PDE7B: variants seen among roughly 807,000 people sequenced by gnomAD.
The protein encoded by PDE7B is phosphodiesterase 7B.
In PDE7B, 29 loss-of-function variants were observed where a neutral mutation model predicts 56.2. The observed-to-expected ratio is 0.52, with a 90% confidence interval of 0.38 to 0.70. The LOEUF (loss-of-function observed/expected upper bound fraction) is 0.70, where lower values mean the gene tolerates loss of function less well. PDE7B is among the 30% of genes least tolerant of loss of function. The pLI, the probability that PDE7B is intolerant of heterozygous loss-of-function variation, is 0.00. For synonymous variants in PDE7B, 197 were observed against 196.9 expected (o/e 1.00, Z 0.00); for missense variants, 490 against 565.0 (o/e 0.87, Z 1.35).
chr6:136,083,503 A>G (rs150220574), intron 2 of PDE7B, among the ~76,000 whole-genome samples: 2 of 152,316 alleles, frequency 1.3e-5, no homozygotes, highest in African/African-American at 2.4e-5. Context: ...CTGAAATGGC[A>G]TGCTAACTAC....
intron 2 of PDE7B, among the ~76,000 whole-genome samples, chr6:136,000,610 T>C (rs887534437): frequency 6.6e-6 from 1 of 152,148 alleles, no homozygotes; most frequent in Non-Finnish European, 1.5e-5. Flanking sequence ...TATCTATGTA[T>C]CTGTTTTTTT....
At chr6:135,976,129 A>G (rs984991161) in intron 2 of PDE7B, among the ~76,000 whole-genome samples, 2 of 152,154 alleles carry the variant, frequency 1.3e-5, no homozygotes, top group African/African-American at 4.8e-5. Context: ...CCAGATAATC[A>G]AACTAGTTAC....
chr6:135,936,971 T>G (rs1290417669), intron 1 of PDE7B, among the ~76,000 whole-genome samples: 2 of 152,244 alleles, frequency 1.3e-5, no homozygotes, highest in African/African-American at 2.4e-5. Flanking sequence ...GTGAACACAC[T>G]GTGTGAGACA....
chr6:135,893,570 G>A (rs1775847537), intron 1 of PDE7B, among the ~76,000 whole-genome samples: 1 of 152,144 alleles, frequency 6.6e-6, no homozygotes, highest in South Asian at 2.1e-4. Context: ...TGGTGGGACT[G>A]TAAACTAGTT....
At chr6:135,891,675 T>C (rs993008744) in intron 1 of PDE7B, among the ~76,000 whole-genome samples, 1 of 152,216 alleles carries the variant, frequency 6.6e-6, no homozygotes, top group African/African-American at 2.4e-5. Flanking sequence ...GGGTGTGGAA[T>C]GAAACCTAGG....
chr6:136,049,604 T>A (rs1420175156), intron 2 of PDE7B, among the ~76,000 whole-genome samples: 3 of 152,248 alleles, frequency 2.0e-5, no homozygotes, highest in Non-Finnish European at 4.4e-5. Flanking sequence ...AGGAAGGTTC[T>A]GTGATGGACT....
At chr6:135,916,392 C>CCTTT (rs1773943082) in intron 1 of PDE7B, among the ~76,000 whole-genome samples, 1 of 96,346 alleles carries the variant, frequency 1.0e-5, no homozygotes, top group Non-Finnish European at 1.9e-5. Flanking sequence ...TCTTTTCTTT[C>CCTTT]TTTTTTTTTT....
intron 2 of PDE7B, among the ~76,000 whole-genome samples, chr6:135,994,280 A>C (rs1775526832): frequency 6.6e-6 from 1 of 152,126 alleles, no homozygotes; most frequent in Non-Finnish European, 1.5e-5. Flanking sequence ...CATTTGTTAA[A>C]GTGGATGAGT....
intron 1 of PDE7B, among the ~76,000 whole-genome samples, chr6:135,900,899 G>A (rs1775988651): frequency 1.3e-5 from 2 of 152,090 alleles, no homozygotes; most frequent in African/African-American, 4.8e-5. Context: ...GAGTAGTTAT[G>A]CTAGATTGGT....
chr6:136,077,220 A>G (rs1240361795), intron 2 of PDE7B, among the ~76,000 whole-genome samples: 1 of 152,184 alleles, frequency 6.6e-6, no homozygotes, highest in Non-Finnish European at 1.5e-5. Context: ...TAAGCAGAAT[A>G]GTCCTGAGAA....
chr6:135,984,825 C>T (rs1027160324), intron 2 of PDE7B, among the ~76,000 whole-genome samples: 5 of 152,054 alleles, frequency 3.3e-5, no homozygotes, highest in African/African-American at 9.6e-5. Flanking sequence ...AGGTGGGGGA[C>T]GTGTATACAG....
At chr6:136,129,910 T>A (rs549546463) in intron 3 of PDE7B, among the ~76,000 whole-genome samples, 1 of 152,328 alleles carries the variant, frequency 6.6e-6, no homozygotes, top group South Asian at 2.1e-4. Context: ...GTGCACATCC[T>A]TTTTTGTGCA....
chr6:136,187,585 G>A (rs534981910), intron 12 of PDE7B, among the ~76,000 whole-genome samples: 1 of 152,238 alleles, frequency 6.6e-6, no homozygotes, highest in Admixed American at 6.5e-5. Flanking sequence ...CGCATCCTGG[G>A]ATTCCCAGTT....
At chr6:136,013,203 G>T (rs1199819892) in intron 2 of PDE7B, among the ~76,000 whole-genome samples, 2 of 151,814 alleles carry the variant, frequency 1.3e-5, no homozygotes, top group Admixed American at 1.3e-4. Context: ...ACAGGCCAAG[G>T]TATTTTTTTA....
intron 1 of PDE7B, among the ~76,000 whole-genome samples, chr6:135,927,702 T>C (rs1330715146): frequency 6.6e-6 from 1 of 152,086 alleles, no homozygotes; most frequent in African/African-American, 2.4e-5. Flanking sequence ...ACCTAGAAAA[T>C]ACCATTCTGG....
rs146593433 is a variant in PDE7B at position 136,064,798 on chromosome 6, C to T, written c.83-43933C>T. ...TCCCGATTAGGAAGTTAGGCACCTA[C>T]CCTTCATTCTCCTTCATGACATTCA... On this transcript the variant is annotated intron_variant, in intron 2 of 12. Transcript: ENST00000308191. Among the ~76,000 whole-genome samples, 1,001 of 152,304 alleles carry T rather than the reference C, an allele frequency of 6.6e-3. 10 individuals carry two copies. The highest frequency in any genetic ancestry group is 0.021 in the Middle Eastern group (6 of 292).
intron 2 of PDE7B, chr6:136,034,136 GTT>G (rs1776287490): frequency 6.6e-6 from 1 of 152,078 alleles, no homozygotes; most frequent in African/African-American, 2.4e-5. Context: ...ATGTTTCTAA[GTT>G]TCCATTTTTT....
chr6:136,187,785 G>A lies in PDE7B; in HGVS notation c.1126+669G>A, dbSNP rs117658462. Among the ~76,000 whole-genome samples, 517 of 152,278 alleles carry A rather than the reference G, an allele frequency of 3.4e-3. 5 individuals carry two copies. Among genetic ancestry groups the A allele is most frequent in the Middle Eastern group, 0.017 (5 of 294 alleles). Reference sequence around the variant, plus strand: ...CTGTGGAAATTTTAGGCACTTTAGCGGAGGAAATATTTTTGCTTCGGTAAG... The same window carrying A: ...CTGTGGAAATTTTAGGCACTTTAGCAGAGGAAATATTTTTGCTTCGGTAAG... On this transcript the variant is annotated intron_variant, in intron 12 of 12. Transcript: ENST00000308191.
chr6:135,860,624 A>G (rs1299769723), intron 1 of PDE7B, among the ~76,000 whole-genome samples: 1 of 151,964 alleles, frequency 6.6e-6, no homozygotes, highest in Non-Finnish European at 1.5e-5. Context: ...TATTTGTTAG[A>G]TTAAGGTGTT....
Sources: allele counts gnomAD v4.1 joint callset (sites outside exome capture counted in the v4.1 genomes callset), GRCh38; gene constraint gnomAD v4.1.1; transcripts MANE v1.5; gene names NCBI Gene and HGNC (gene_info 2026-07-23, HGNC 2026-07-21).